Variants in TENM3 observed in about 807,000 individuals in gnomAD.
The protein encoded by TENM3 is teneurin-3.
Under a neutral mutation model 255.1 loss-of-function variants are expected in TENM3, and 63 were observed. The observed-to-expected ratio is 0.25, with a 90% CI of 0.20 to 0.30. The LOEUF (loss-of-function observed/expected upper bound fraction) is 0.30, where lower values mean the gene tolerates loss of function less well. Among genes scored for constraint, TENM3 ranks in the 10% least tolerant of loss-of-function variants. The probability of loss-of-function intolerance (pLI) is 1.00; values close to 1 mark genes in which losing one functional copy is unlikely to be tolerated. For synonymous variants in TENM3, 1,306 were observed against 1,322.3 expected, an observed-to-expected ratio of 0.99 and a Z score of 0.27; for missense variants, 2,929 against 3,461.1, an observed-to-expected ratio of 0.85 and a Z score of 3.86.
intron 3 of TENM3, among the ~76,000 whole-genome samples, chr4:182,571,859 A>G (rs1449492848): frequency 3.9e-5 from 6 of 152,142 alleles, no homozygotes; most frequent in African/African-American, 7.2e-5. Flanking sequence ...AAAACCAAAG[A>G]CCACTGTGGC....
At chr4:181,846,165 A>G in the TENM3 span, among the ~76,000 whole-genome samples, 1 of 152,158 alleles carries the variant, frequency 6.6e-6, no homozygotes, top group East Asian at 1.9e-4. Context: ...ATATCTTTAA[A>G]ACATTAGAAC....
chr4:181,701,442 A>T, the TENM3 span, among the ~76,000 whole-genome samples: 1 of 152,346 alleles, frequency 6.6e-6, no homozygotes, highest in Admixed American at 6.5e-5. Context: ...CACACTCATA[A>T]AGCTTTTGCT....
At chr4:181,509,840 C>T in the TENM3 span, among the ~76,000 whole-genome samples, 1 of 152,208 alleles carries the variant, frequency 6.6e-6, no homozygotes, top group African/African-American at 2.4e-5. Flanking sequence ...TCCATCCTTC[C>T]CCTACAATCA....
chr4:181,719,470 G>A, the TENM3 span, among the ~76,000 whole-genome samples: 74 of 152,102 alleles, frequency 4.9e-4, 1 homozygote, highest in Admixed American at 4.0e-3. Flanking sequence ...AACACCAGCC[G>A]ATTCAGTGTC....
At chr4:182,442,849 C>CACATATATACATACATACATATATAT (rs1561451662) in intron 3 of TENM3, among the ~76,000 whole-genome samples, 1 of 79,374 alleles carries the variant, frequency 1.3e-5, no homozygotes, top group Non-Finnish European at 2.5e-5. Context: ...TACATATATA[C>CACATATATACATACATACATATATAT]ACACACACAC....
At chr4:182,378,231 C>G (rs1434762535) in intron 3 of TENM3, among the ~76,000 whole-genome samples, 4 of 152,214 alleles carry the variant, frequency 2.6e-5, no homozygotes, top group Admixed American at 2.0e-4. Flanking sequence ...ATCCCTTTGT[C>G]TTTCTTGAGC....
chr4:181,862,042 C>A, the TENM3 span, among the ~76,000 whole-genome samples: 8 of 152,012 alleles, frequency 5.3e-5, no homozygotes, highest in Non-Finnish European at 1.2e-4. Context: ...TTGTATTTGG[C>A]TTGGGTGGAA....
chr4:182,218,917 G>A (rs1436464183), intron 1 of TENM3, among the ~76,000 whole-genome samples: 1 of 152,120 alleles, frequency 6.6e-6, no homozygotes. Context: ...TAAATCCCTG[G>A]AGTTTCTTTT....
At chr4:182,195,878 GA>G (rs952200597) in intron 1 of TENM3, among the ~76,000 whole-genome samples, 1 of 151,522 alleles carries the variant, frequency 6.6e-6, no homozygotes, top group Non-Finnish European at 1.5e-5. Flanking sequence ...TATATTCTCA[GA>G]AAAAAAAATT....
rs1271422607 is a variant in TENM3, at chr4:182,667,173, TTTTTTGTTTTG to T, written c.1112-5827_1112-5817del. On this transcript the variant is annotated intron_variant, in intron 6 of 27. Coordinates refer to ENST00000511685, the MANE Select transcript of TENM3 (RefSeq NM_001080477.4). ...TACTCATTGAAATCAAAGTTACCAT[TTTTTTGTTTTG>T]TTTTGTTTTGTTTTGTTTTGTTTTG... 5.0e-5 allele frequency among the ~76,000 whole-genome samples: 6 copies of T among 119,948 alleles called. No homozygotes were observed. The East Asian group carries it at 1.9e-3, about 38-fold the overall frequency. 78.7% of individuals were successfully genotyped at this position (119,948 alleles called of 152,430 possible). A position where few individuals can be genotyped will look rare whatever the true frequency, so the allele number is the denominator to read the frequency against.
At chr4:182,707,878 TCCATGTAGAAG>T (rs1758405207) in intron 12 of TENM3, 1 of 152,328 alleles carries the variant, frequency 6.6e-6, no homozygotes, top group Admixed American at 6.5e-5. Context: ...TCCTACGGAA[TCCATGTAGAAG>T]CCATGTAAAA....
chr4:182,788,434 G>T (rs1765853193), intron 24 of TENM3, among the ~76,000 whole-genome samples: 1 of 152,186 alleles, frequency 6.6e-6, no homozygotes, highest in Admixed American at 6.5e-5. Context: ...ACAACACATG[G>T]TGCTGAATTT....
chr4:182,321,655 A>G (rs1214703101), intron 1 of TENM3, among the ~76,000 whole-genome samples: 1 of 149,676 alleles, frequency 6.7e-6, no homozygotes, highest in Non-Finnish European at 1.5e-5. Flanking sequence ...TAATAAAATA[A>G]CTTCTCTTGG....
At chr4:182,322,749 T>A (rs1763136917) in intron 1 of TENM3, among the ~76,000 whole-genome samples, 1 of 152,058 alleles carries the variant, frequency 6.6e-6, no homozygotes, top group South Asian at 2.1e-4. Flanking sequence ...AGACCAAGAC[T>A]GAGACCAGAG....
chr4:182,675,129 G>A (rs535740664), intron 7 of TENM3, among the ~76,000 whole-genome samples: 13 of 150,046 alleles, frequency 8.7e-5, no homozygotes, highest in African/African-American at 3.2e-4. Flanking sequence ...GCCCTCCTCG[G>A]CCTCCCAAAG....
chr4:182,778,198 T>C (rs550475441), intron 24 of TENM3, among the ~76,000 whole-genome samples: 1 of 152,246 alleles, frequency 6.6e-6, no homozygotes, highest in Non-Finnish European at 1.5e-5. Context: ...AAAATTGTCA[T>C]GGTGTTCTAA....
At chr4:182,744,093 C>CTTTTTTT (rs957977132) in intron 19 of TENM3, 36 of 451,780 alleles carry the variant, frequency 8.0e-5, no homozygotes, top group Admixed American at 1.2e-4. Context: ...ACTGTGCTTT[C>CTTTTTTT]TTTTTTTTTT....
At chr4:181,631,222 C>T in the TENM3 span, among the ~76,000 whole-genome samples, 1 of 152,080 alleles carries the variant, frequency 6.6e-6, no homozygotes, top group Non-Finnish European at 1.5e-5. Flanking sequence ...CTGATCTCAG[C>T]TCCTTGTTAA....
At chr4:181,470,121 A>AC in the TENM3 span, among the ~76,000 whole-genome samples, 1 of 27,438 alleles carries the variant, frequency 3.6e-5, no homozygotes, top group African/African-American at 7.0e-5. Flanking sequence ...AAAAAAAAAA[A>AC]AAAACATTAT....
Sources: allele counts gnomAD v4.1 joint callset (sites outside exome capture counted in the v4.1 genomes callset), GRCh38; gene constraint gnomAD v4.1.1; transcripts MANE v1.5; gene names NCBI Gene and HGNC (gene_info 2026-07-23, HGNC 2026-07-21).